Variants in MTA3 observed in about 807,000 individuals in gnomAD.
MTA3 encodes metastasis-associated protein MTA3.
In MTA3, 34 loss-of-function variants were observed where a neutral mutation model predicts 83.5. The ratio of observed to expected loss-of-function variants is 0.41; its 90% confidence interval spans 0.31 to 0.54. MTA3 has a LOEUF of 0.54. Ranked by LOEUF, MTA3 falls within the 20% of genes least tolerant of loss-of-function variation. The pLI is 0.33. For missense variants in MTA3, 761 were observed against 726.4 expected (o/e 1.05, Z -0.55); for synonymous variants, 303 against 252.7 (o/e 1.20, Z -1.89).
At chr2:42,645,237 A>G (rs1451290741) in intron 6 of MTA3, among the ~76,000 whole-genome samples, 4 of 151,898 alleles carry the variant, frequency 2.6e-5, no homozygotes, top group African/African-American at 4.8e-5. Context: ...AAAAAAAAGC[A>G]AAACAGGCTG....
At chr2:42,610,937 A>G (rs1172247844) in intron 4 of MTA3, among the ~76,000 whole-genome samples, 2 of 151,654 alleles carry the variant, frequency 1.3e-5, no homozygotes, top group East Asian at 3.9e-4. Context: ...AATGGTCCTT[A>G]AAAACTATAT....
chr2:42,611,376 G>T (rs554964606), intron 4 of MTA3, among the ~76,000 whole-genome samples: 11 of 150,200 alleles, frequency 7.3e-5, no homozygotes, highest in Admixed American at 1.3e-4. Flanking sequence ...TGATACCTTT[G>T]TGCACAACTC....
intron 16 of MTA3, among the ~76,000 whole-genome samples, chr2:42,734,091 G>C (rs1668433643): frequency 6.6e-6 from 1 of 152,126 alleles, no homozygotes; most frequent in Admixed American, 6.5e-5. Flanking sequence ...CTGACTTTCT[G>C]TCTGGACGAT....
chr2:42,741,191 A>G (rs1160841857), intron 16 of MTA3, among the ~76,000 whole-genome samples: 1 of 151,922 alleles, frequency 6.6e-6, no homozygotes, highest in Non-Finnish European at 1.5e-5. Context: ...CAGCTTCCTC[A>G]CCTCTCTCAG....
intron 2 of MTA3, among the ~76,000 whole-genome samples, chr2:42,515,787 AC>A (rs1355540331): frequency 1.1e-4 from 16 of 150,164 alleles, no homozygotes; most frequent in Non-Finnish European, 2.4e-4. Flanking sequence ...GGCGTGAACC[AC>A]CGTGCCCAGT....
At chr2:42,642,273 T>C (rs1223275631) in intron 5 of MTA3, among the ~76,000 whole-genome samples, 2 of 152,150 alleles carry the variant, frequency 1.3e-5, no homozygotes, top group South Asian at 4.1e-4. Context: ...TCTTATTATA[T>C]TGTAGAGTAT....
At chr2:42,505,220 A>C (rs1043666663) in intron 2 of MTA3, among the ~76,000 whole-genome samples, 1 of 151,968 alleles carries the variant, frequency 6.6e-6, no homozygotes. Flanking sequence ...GTGAAACTCT[A>C]TCTCTACTAA....
At position 42,658,071 on chromosome 2, in the gene MTA3, C is replaced by CAA. The variant is rs59628946; in HGVS notation, c.603-1664_603-1663dup. 3.1e-3 allele frequency among the ~76,000 whole-genome samples: 161 copies of CAA among 51,938 alleles called. 4 individuals are homozygous for CAA. Among genetic ancestry groups the CAA allele is most frequent in the African/African-American group, 7.2e-3 (91 of 12,640 alleles). 34.1% of individuals were successfully genotyped at this position (51,938 alleles called of 152,430 possible). A position where few individuals can be genotyped will look rare whatever the true frequency, so the allele number is the denominator to read the frequency against. ...TGGGCGACAGAGGAAGACTCTGTCT[C>CAA]AAAAAAAAAAAAAAAAAAAAAAAAA... On this transcript the variant is annotated intron_variant, in intron 7 of 16. Transcript: ENST00000405094.
At chr2:42,549,230 T>A (rs1676956674) in intron 2 of MTA3, among the ~76,000 whole-genome samples, 1 of 134,346 alleles carries the variant, frequency 7.4e-6, no homozygotes, top group Non-Finnish European at 1.5e-5. Flanking sequence ...ATATATTATA[T>A]ATGTATACGT....
chr2:42,505,404 A>T (rs115559591), intron 2 of MTA3, among the ~76,000 whole-genome samples: 2,101 of 152,168 alleles, frequency 0.014, 34 homozygotes, highest in African/African-American at 0.048. Flanking sequence ...AAACAAAAAA[A>T]AAGGAGATGA....
rs12616835 is a variant in MTA3 at position 42,515,018 on chromosome 2, G to A, written c.-141+19764G>A. Among the ~76,000 whole-genome samples the A allele has an allele frequency of 3.7e-4, 56 of 151,778 alleles. 1 individual carries two copies. In the East Asian group the frequency reaches 0.011, roughly 29 times the overall value. On this transcript the variant is annotated intron_variant, in intron 2 of 17. Transcript: ENST00000405592. Reference sequence around the variant, plus strand: ...AACTTTTATATTTTTCTTTGGATATGTATGCCTGTGTTTATTTTATTTTAT... The same window carrying A: ...AACTTTTATATTTTTCTTTGGATATATATGCCTGTGTTTATTTTATTTTAT...
intron 6 of MTA3, among the ~76,000 whole-genome samples, chr2:42,653,922 AT>A (rs1419582845): frequency 6.6e-6 from 1 of 152,164 alleles, no homozygotes; most frequent in Non-Finnish European, 1.5e-5. Context: ...CCTTATTTAA[AT>A]TATTTTTAAA....
At chr2:42,688,942 C>G (rs1270094747) in intron 9 of MTA3, among the ~76,000 whole-genome samples, 1 of 152,030 alleles carries the variant, frequency 6.6e-6, no homozygotes, top group Non-Finnish European at 1.5e-5. Context: ...TTTACTATTA[C>G]ATGTGAGATC....
intron 2 of MTA3, among the ~76,000 whole-genome samples, chr2:42,561,786 A>C (rs1449325812): frequency 1.3e-5 from 2 of 152,032 alleles, no homozygotes; most frequent in African/African-American, 4.8e-5. Flanking sequence ...TTATTCTATT[A>C]TTCTGTTTCT....
intron 3 of MTA3, among the ~76,000 whole-genome samples, chr2:42,606,676 G>T (rs1683463745): frequency 6.6e-6 from 1 of 151,222 alleles, no homozygotes; most frequent in African/African-American, 2.4e-5. Flanking sequence ...CCCAGACGGG[G>T]TGGCGGCTGG....
chr2:42,611,254 A>T (rs1684175707), intron 4 of MTA3, among the ~76,000 whole-genome samples: 1 of 151,762 alleles, frequency 6.6e-6, no homozygotes, highest in African/African-American at 2.4e-5. Flanking sequence ...AAGTGCTGGG[A>T]TTATAGGTGT....
intron 2 of MTA3, among the ~76,000 whole-genome samples, chr2:42,576,962 A>G (rs1244549181): frequency 6.7e-6 from 1 of 149,446 alleles, no homozygotes; most frequent in African/African-American, 2.5e-5. Context: ...GTTCTGATAG[A>G]TAAGCTAGGG....
chr2:42,606,616 G>C (rs1163637281), intron 3 of MTA3, among the ~76,000 whole-genome samples: 1 of 143,030 alleles, frequency 7.0e-6, no homozygotes, highest in Non-Finnish European at 1.5e-5. Context: ...AGGCAGAGGG[G>C]CTCCTCACAT....
chr2:42,582,611 G>C (rs1355627434), intron 3 of MTA3, among the ~76,000 whole-genome samples: 3 of 152,052 alleles, frequency 2.0e-5, no homozygotes, highest in African/African-American at 7.2e-5. Flanking sequence ...AACTTAGCAA[G>C]ACCCTGACTC....
Sources: gnomAD v4.1 joint callset for allele counts (sites outside exome capture counted in the v4.1 genomes callset) on GRCh38, gnomAD v4.1.1 for gene constraint, MANE v1.5 for transcripts, NCBI Gene and HGNC (gene_info 2026-07-23, HGNC 2026-07-21) for gene names.